ERMARD: variants seen among roughly 807,000 people sequenced by gnomAD.
ERMARD encodes the protein ER membrane associated RNA degradation.
In ERMARD, 71 loss-of-function variants were observed where a neutral mutation model predicts 83.9. The ratio of observed to expected loss-of-function variants is 0.85; its 90% CI spans 0.70 to 1.03. The LOEUF (loss-of-function observed/expected upper bound fraction) is 1.03. Among genes scored for constraint, ERMARD ranks in the 50% least tolerant of loss-of-function variants. The pLI is 0.00. For synonymous variants in ERMARD, 284 were observed against 298.6 expected (o/e 0.95, Z 0.50); for missense variants, 838 against 810.9 (o/e 1.03, Z -0.41).
chr6:169,776,544 G>A lies in ERMARD; in HGVS notation c.1610G>A (p.Arg537Gln), dbSNP rs202192406. ...GTGCTGGAAGTGCTGGTTGTGCTCC[G>A]AAGCATCAGCGAACAGTGCCGCCGT... Reference protein sequence around the residue: ...RIVLEVLVVLRSISEQCRRVS... With the variant: ...RIVLEVLVVLQSISEQCRRVS... Residue 537 changes from arginine (R) to glutamine (Q), a missense_variant, in exon 16 of 18, where the codon CGA becomes CAA. Transcript: ENST00000366773. The A allele has an allele frequency of 2.9e-5, 47 of 1,614,210 alleles. No homozygotes were observed. The highest frequency in any genetic ancestry group is 1.5e-4 in the Admixed American group (9 of 60,024).
At chr6:169,768,874 A>G (rs1029251743) in intron 11 of ERMARD, among the ~76,000 whole-genome samples, 3 of 152,236 alleles carry the variant, frequency 2.0e-5, no homozygotes, top group African/African-American at 7.2e-5. Flanking sequence ...TTATGAAGAT[A>G]TTTCGGTGAC....
At chr6:169,755,895 C>T (rs930640803) in intron 3 of ERMARD, among the ~76,000 whole-genome samples, 3 of 152,222 alleles carry the variant, frequency 2.0e-5, no homozygotes, top group Non-Finnish European at 4.4e-5. Flanking sequence ...TTATTTGGCA[C>T]ACTAAATGAC....
intron 2 of ERMARD, 121 bp downstream of exon 2, chr6:169,754,153 A>G (rs1023212001): frequency 5.8e-5 from 50 of 863,366 alleles, no homozygotes; most frequent in Non-Finnish European, 7.6e-5. Flanking sequence ...ATACAGGCCT[A>G]ACTCCAAGGA....
chr6:169,780,158 C>T (rs1277361590), intron 17 of ERMARD, among the ~76,000 whole-genome samples: 1 of 152,236 alleles, frequency 6.6e-6, no homozygotes, highest in East Asian at 1.9e-4. Context: ...AGGACTCCAG[C>T]TCAGTGTGCC....
At position 169,776,343 on chromosome 6, in the gene ERMARD, C is replaced by T. The variant is rs182019483; in HGVS notation, c.1521-112C>T. 593 of 1,553,056 alleles carry T rather than the reference C, an allele frequency of 3.8e-4. 2 individuals carry two copies. In the Admixed American group the frequency reaches 9.6e-3, roughly 25 times the overall value. On this transcript the variant is annotated intron_variant, in intron 15 of 17. Transcript: ENST00000366773. ...ACGGTTGTCCCTGCAGACCAACCAGCGATACGCCGCTAGCCCTGGCTCCCA... is the reference window on the plus strand; with the variant it reads ...ACGGTTGTCCCTGCAGACCAACCAGTGATACGCCGCTAGCCCTGGCTCCCA...
At chr6:169,761,354 CTG>C (rs914213372) in intron 8 of ERMARD, among the ~76,000 whole-genome samples, 3 of 152,078 alleles carry the variant, frequency 2.0e-5, no homozygotes, top group African/African-American at 7.2e-5. Flanking sequence ...GTAGATAGGA[CTG>C]TAAGTGTGCA....
chr6:169,766,487 T>G, intron 9 of ERMARD, 151 bp from the exon 10 acceptor site: 1 of 567,292 alleles, frequency 1.8e-6, no homozygotes, highest in East Asian at 3.2e-5. Flanking sequence ...TCAGTGACAT[T>G]CCTCTCATAG....
chr6:169,751,893 G>A (rs1790152780), intron 1 of ERMARD: 4 of 581,136 alleles, frequency 6.9e-6, no homozygotes, highest in Admixed American at 4.3e-5. Context: ...GGCCAGGCTC[G>A]GTTTCTCCGT....
rs1032879017 is a variant in ERMARD at position 169,751,680 on chromosome 6, G to T, written c.6+17G>T. Reference sequence around the variant, plus strand: ...GTTATGGAGGTAGGGCGGGTGTAGGGCCCGGTTCGATCCCGAGCTAGGCAG... The same window carrying T: ...GTTATGGAGGTAGGGCGGGTGTAGGTCCCGGTTCGATCCCGAGCTAGGCAG... On this transcript the variant is annotated intron_variant, in intron 1 of 17. Transcript: ENST00000366773. The T allele has an allele frequency of 5.2e-6, 8 of 1,550,488 alleles. No individual in the cohort carries two copies. The highest frequency in any genetic ancestry group is 4.0e-5 in the Admixed American group (2 of 50,314).
intron 8 of ERMARD, among the ~76,000 whole-genome samples, chr6:169,761,675 T>TTTTGTTTTGG (rs1791574962): frequency 6.6e-6 from 1 of 151,968 alleles, no homozygotes. Flanking sequence ...GTGTAAGTGG[T>TTTTGTTTTGG]TTTGTTTTGT....
At chr6:169,776,707 T>G (rs771176225) in intron 16 of ERMARD, 34 bp downstream of exon 16, 1 of 1,608,630 alleles carries the variant, frequency 6.2e-7, no homozygotes, top group South Asian at 1.1e-5. Flanking sequence ...GGAGGGGCAC[T>G]GTGGGGCAGG....
At position 169,764,614 on chromosome 6, in the gene ERMARD, GT is replaced by G. The variant is rs200307943; in HGVS notation, c.961-2016del. Among the ~76,000 whole-genome samples the G allele has an allele frequency of 9.4e-3, 1,426 of 151,892 alleles. 17 individuals are homozygous for G. The highest frequency in any genetic ancestry group is 0.032 in the African/African-American group (1,327 of 41,398). ...AGCTGATATTCTTACGTTATTTATG[GT>G]TTTTTTTCATTTGTTTAACCTCCTC... On this transcript the variant is annotated intron_variant, in intron 9 of 17. Coordinates refer to ENST00000366773, the MANE Select transcript of ERMARD (RefSeq NM_018341.3).
Position 169,759,926 on chromosome 6 carries a change from C to A in ERMARD, c.694C>A (p.Arg232Ser). ...LQNTKLTLAHRSFISLTNLED... is the reference protein window; with the variant it reads ...LQNTKLTLAHSSFISLTNLED... ...AAACACTAAACTTACATTGGCACAT[C>A]GCTCTTTCATATCTCTTACAAACCT... The change falls in exon 7 of 18, where the codon CGC becomes AGC. Residue 232 changes from arginine (R) to serine (S), a missense_variant. By Grantham distance (110) the Arg-to-Ser change is moderately radical (BLOSUM62 -1). Transcript: ENST00000366773. 1 of 1,614,160 alleles carries A rather than the reference C, an allele frequency of 6.2e-7. No individual in the cohort carries two copies. Among genetic ancestry groups the A allele is most frequent in the Non-Finnish European group, 8.5e-7 (1 of 1,180,036 alleles).
chr6:169,778,828 A>C (rs1793883003), intron 16 of ERMARD, among the ~76,000 whole-genome samples: 1 of 152,210 alleles, frequency 6.6e-6, no homozygotes, highest in African/African-American at 2.4e-5. Flanking sequence ...GTTCCTCCCT[A>C]GATGTCAGAG....
intron 16 of ERMARD, among the ~76,000 whole-genome samples, chr6:169,777,930 C>T (rs7771373): frequency 2.6e-5 from 4 of 152,094 alleles, no homozygotes; most frequent in African/African-American, 7.2e-5. Context: ...ATTTTCCAAC[C>T]TGCTTATTCC....
intron 12 of ERMARD, 43 bp from the exon 13 acceptor site, chr6:169,773,276 G>A (rs746279478): frequency 1.3e-6 from 2 of 1,572,326 alleles, no homozygotes; most frequent in East Asian, 2.2e-5. Context: ...AAAGCTAAAA[G>A]CCCACCCAAA....
chr6:169,751,415 G>T (rs371900425), upstream of ERMARD: 5 of 1,614,060 alleles, frequency 3.1e-6, no homozygotes, highest in Non-Finnish European at 4.2e-6. Flanking sequence ...CTGGTTCGGG[G>T]TCTGGATGGG....
At chr6:169,766,314 T>G (rs1792200920) in intron 9 of ERMARD, among the ~76,000 whole-genome samples, 1 of 152,186 alleles carries the variant, frequency 6.6e-6, no homozygotes, top group Non-Finnish European at 1.5e-5. Flanking sequence ...CAAATACCAG[T>G]CGTCAGGAGA....
At chr6:169,776,205 T>C in intron 15 of ERMARD, 140 bp downstream of exon 15, 1 of 1,516,202 alleles carries the variant, frequency 6.6e-7, no homozygotes, top group Non-Finnish European at 9.0e-7. Flanking sequence ...CAGGAGGAAT[T>C]ATGAGATAAG....
Sources: gnomAD v4.1 joint callset for allele counts (sites outside exome capture counted in the v4.1 genomes callset) on GRCh38, gnomAD v4.1.1 for gene constraint, MANE v1.5 for transcripts, NCBI Gene and HGNC (gene_info 2026-07-23, HGNC 2026-07-21) for gene names.